The following CDYL variants were observed in gnomAD, a reference collection of about 807,000 sequenced individuals.
The protein encoded by CDYL is chromodomain Y like, also known as chromodomain Y-like protein.
A neutral mutation model predicts 47.3 loss-of-function variants in CDYL; 8 were observed. That is an observed-to-expected ratio of 0.17 (90% CI 0.10 to 0.31). The LOEUF is 0.31. Ranked by LOEUF, CDYL falls within the 10% of genes least tolerant of loss-of-function variation. The pLI is 1.00. For synonymous variants in CDYL, 266 were observed against 265.0 expected (o/e 1.00, Z -0.04); for missense variants, 471 against 701.4 (o/e 0.67, Z 3.71).
intron 1 of CDYL, among the ~76,000 whole-genome samples, chr6:4,711,922 C>A (rs557009512): frequency 6.6e-6 from 1 of 151,824 alleles, no homozygotes; most frequent in Non-Finnish European, 1.5e-5. Context: ...AAAATTAGCG[C>A]GGTGTGGTGG....
At chr6:4,922,533 G>A (rs1050054508) in intron 2 of CDYL, among the ~76,000 whole-genome samples, 6 of 152,228 alleles carry the variant, frequency 3.9e-5, no homozygotes, top group African/African-American at 1.2e-4. Flanking sequence ...ATGGGTGAGC[G>A]TGTTTCCTTG....
chr6:4,773,230 C>A, upstream of CDYL: 1 of 457,026 alleles, frequency 2.2e-6, no homozygotes, highest in Non-Finnish European at 4.4e-6. This position sits in a 1 kb window ranked among gnomAD's most constrained non-coding sequence, Gnocchi z 4.6. Flanking sequence ...GTGTGTATAT[C>A]GTCTCTCTTG....
At chr6:4,753,270 G>A (rs1016064396) in intron 3 of CDYL, among the ~76,000 whole-genome samples, 2 of 152,126 alleles carry the variant, frequency 1.3e-5, no homozygotes, top group African/African-American at 4.8e-5. Flanking sequence ...ACTCAAAGGA[G>A]TCAAGTGGTA....
chr6:4,710,122 C>T lies in CDYL; in HGVS notation c.-39+3871C>T, dbSNP rs141492335. 8.0e-3 allele frequency among the ~76,000 whole-genome samples: 1,211 copies of T among 151,936 alleles called. 21 individuals are homozygous for T. The highest frequency in any genetic ancestry group is 0.028 in the African/African-American group (1,148 of 41,442). ...CTGTAATCCCAGCTACTCAGGAGTC[C>T]GAGGCAGGAGAATCACTTGAACCTG... On this transcript the variant is annotated intron_variant, in intron 1 of 8. Coordinates refer to the CDYL transcript ENST00000328908.
chr6:4,921,152 A>G (rs1158345560), intron 2 of CDYL, among the ~76,000 whole-genome samples: 1 of 152,208 alleles, frequency 6.6e-6, no homozygotes, highest in Non-Finnish European at 1.5e-5. Context: ...GGGTAGATAG[A>G]TAAATAGGAC....
At chr6:4,746,524 C>T (rs575020927) in intron 3 of CDYL, among the ~76,000 whole-genome samples, 2 of 152,108 alleles carry the variant, frequency 1.3e-5, no homozygotes, top group Non-Finnish European at 2.9e-5. Context: ...ATGAAGAGAC[C>T]GGAATGCTGC....
At chr6:4,811,098 A>C (rs1404573503) in intron 1 of CDYL, among the ~76,000 whole-genome samples, 1 of 152,244 alleles carries the variant, frequency 6.6e-6, no homozygotes, top group African/African-American at 2.4e-5. Context: ...CAGGTCTGAC[A>C]GAAGTTTTTG....
chr6:4,941,265 G>T (rs998285411), intron 4 of CDYL, among the ~76,000 whole-genome samples: 3 of 152,234 alleles, frequency 2.0e-5, no homozygotes, highest in Non-Finnish European at 2.9e-5. Context: ...ACTTGGGAGA[G>T]GACCGTCCCA....
At position 4,954,157 on chromosome 6, in the gene CDYL, C is replaced by T; in HGVS notation, c.*101C>T. ...ATTCTCACAGCCTGAAACAAGCTCA[C>T]CCGTAGCTTACGCTTGGAAGCAGGA... On this transcript the variant is annotated 3_prime_UTR_variant, in exon 7 of 7. Transcript: ENST00000397588. 2 of 1,298,938 alleles carry T rather than the reference C, an allele frequency of 1.5e-6. No individual in the cohort carries two copies. Among genetic ancestry groups the T allele is most frequent in the East Asian group, 2.4e-5 (1 of 41,422 alleles). The allele number at this position is 1,298,938 out of a possible 1,614,324, so 80.5% of individuals were successfully genotyped here.
At chr6:4,731,879 G>A (rs1159195176) in intron 2 of CDYL, among the ~76,000 whole-genome samples, 1 of 152,008 alleles carries the variant, frequency 6.6e-6, no homozygotes, top group African/African-American at 2.4e-5. Context: ...AAATTCAAGG[G>A]ACTAGTAATC....
At chr6:4,736,401 A>T (rs149161466) in intron 3 of CDYL, among the ~76,000 whole-genome samples, 2 of 152,222 alleles carry the variant, frequency 1.3e-5, no homozygotes, top group Admixed American at 6.5e-5. Context: ...CAGCTAGAGG[A>T]TAGTGAAAAT....
At chr6:4,733,840 CTT>C in intron 2 of CDYL, among the ~76,000 whole-genome samples, 1 of 129,812 alleles carries the variant, frequency 7.7e-6, no homozygotes, top group Non-Finnish European at 1.5e-5. Flanking sequence ...TTTTTCTTTT[CTT>C]TTCTTCTTCT....
chr6:4,734,014 T>C (rs1385638001), intron 2 of CDYL, among the ~76,000 whole-genome samples: 1 of 151,872 alleles, frequency 6.6e-6, no homozygotes, highest in Non-Finnish European at 1.5e-5. Flanking sequence ...AATTTTTGTA[T>C]TTTTTAGTAG....
At chr6:4,712,912 G>T (rs1460118424) in intron 1 of CDYL, among the ~76,000 whole-genome samples, 1 of 152,174 alleles carries the variant, frequency 6.6e-6, no homozygotes, top group African/African-American at 2.4e-5. Flanking sequence ...CCTGCATCTG[G>T]GGTGGGCAGA....
chr6:4,735,859 A>T (rs559951842), intron 3 of CDYL, among the ~76,000 whole-genome samples: 129 of 152,202 alleles, frequency 8.5e-4, no homozygotes, highest in African/African-American at 2.9e-3. Context: ...CATCATCTCC[A>T]AAAGGTTCCC....
At chr6:4,868,433 T>G (rs1761382217) in intron 1 of CDYL, among the ~76,000 whole-genome samples, 1 of 152,132 alleles carries the variant, frequency 6.6e-6, no homozygotes, top group Non-Finnish European at 1.5e-5. Flanking sequence ...GATTTCTAAT[T>G]TAATTCCATT....
intron 1 of CDYL, among the ~76,000 whole-genome samples, chr6:4,708,922 G>A (rs1258041946): frequency 2.6e-5 from 4 of 152,024 alleles, no homozygotes; most frequent in East Asian, 1.9e-4. Context: ...AGGAAGAATC[G>A]CTTGAACCCA....
intron 2 of CDYL, among the ~76,000 whole-genome samples, chr6:4,907,642 C>T (rs1213433688): frequency 6.6e-6 from 1 of 152,158 alleles, no homozygotes; most frequent in Non-Finnish European, 1.5e-5. Context: ...CCCAAAGTGC[C>T]TGTAATAGGC....
intron 2 of CDYL, among the ~76,000 whole-genome samples, chr6:4,898,762 T>A (rs1762359113): frequency 6.6e-6 from 1 of 152,218 alleles, no homozygotes; most frequent in Non-Finnish European, 1.5e-5. Flanking sequence ...GGAGCCAGTC[T>A]GCTTACTCCC....
Sources: gnomAD v4.1 joint callset for allele counts (sites outside exome capture counted in the v4.1 genomes callset) on GRCh38, gnomAD v4.1.1 for gene constraint, Gnocchi (gnomAD v3.1) non-coding constraint, MANE v1.5 for transcripts, NCBI Gene and HGNC (gene_info 2026-07-23, HGNC 2026-07-21) for gene names.